Variants in GRID2 observed in about 807,000 individuals in gnomAD.
The protein encoded by GRID2 is glutamate receptor ionotropic, delta-2.
In GRID2, 33 loss-of-function variants were observed where a neutral mutation model predicts 114.8. That is an observed-to-expected ratio of 0.29 (90% CI 0.22 to 0.38). The LOEUF is 0.38. GRID2 is among the 10% of genes least tolerant of loss of function. GRID2 has a pLI of 1.00. For synonymous variants in GRID2, 505 were observed against 449.9 expected (o/e 1.12, Z -1.55); for missense variants, 1,184 against 1,257.7 (o/e 0.94, Z 0.89).
intron 3 of GRID2, among the ~76,000 whole-genome samples, chr4:93,110,325 TGATTCA>T (rs1399776288): frequency 6.6e-6 from 1 of 152,164 alleles, no homozygotes; most frequent in Non-Finnish European, 1.5e-5. Context: ...TTCATAATCT[TGATTCA>T]GATTCATCAG....
At chr4:92,916,414 G>A (rs1748797052) in intron 2 of GRID2, among the ~76,000 whole-genome samples, 1 of 151,998 alleles carries the variant, frequency 6.6e-6, no homozygotes, top group Non-Finnish European at 1.5e-5. Flanking sequence ...CAACTTAAAG[G>A]TTAGTTACAT....
intron 1 of GRID2, among the ~76,000 whole-genome samples, chr4:92,469,543 T>C (rs983153910): frequency 1.3e-5 from 2 of 152,138 alleles, no homozygotes; most frequent in African/African-American, 4.8e-5. Flanking sequence ...TTTTTATTGT[T>C]GTATTGTTAT....
intron 2 of GRID2, among the ~76,000 whole-genome samples, chr4:92,793,904 A>T (rs969068051): frequency 6.6e-6 from 1 of 151,884 alleles, no homozygotes; most frequent in Non-Finnish European, 1.5e-5. Flanking sequence ...CAAAGAATTT[A>T]AAGCTTTTAT....
intron 2 of GRID2, among the ~76,000 whole-genome samples, chr4:92,659,493 T>C (rs1732416217): frequency 6.6e-6 from 1 of 151,550 alleles, no homozygotes; most frequent in Non-Finnish European, 1.5e-5. Context: ...TCAAAGATAA[T>C]TTTATTTAAG....
intron 2 of GRID2, among the ~76,000 whole-genome samples, chr4:92,623,364 C>CA (rs58432717): frequency 0.038 from 5,032 of 132,008 alleles, 282 homozygotes; most frequent in African/African-American, 0.13. Flanking sequence ...TAAGTAAGTA[C>CA]AAAAAAAAAA....
Position 93,603,808 on chromosome 4 carries a change from C to T in GRID2, c.2194-22461C>T, listed in dbSNP as rs375373447. On this transcript the variant is annotated intron_variant, in intron 13 of 15. Transcript: ENST00000282020. Reference sequence around the variant, plus strand: ...CTCTGCCTGTGTTCTATAAATGCAACAACAAAGTCTGAATGGCACCACATC... The same window carrying T: ...CTCTGCCTGTGTTCTATAAATGCAATAACAAAGTCTGAATGGCACCACATC... Among the ~76,000 whole-genome samples, 33 of 152,210 alleles carry T rather than the reference C, an allele frequency of 2.2e-4. 1 individual carries two copies. The East Asian group carries it at 4.6e-3, about 21-fold the overall frequency.
intron 1 of GRID2, among the ~76,000 whole-genome samples, chr4:93,790,878 A>G (rs1369735902): frequency 6.6e-6 from 1 of 152,274 alleles, no homozygotes; most frequent in African/African-American, 2.4e-5. Context: ...TCTCCCACAA[A>G]ACAGAAGTAA....
At chr4:92,798,222 T>C (rs559086819) in intron 2 of GRID2, among the ~76,000 whole-genome samples, 1 of 152,140 alleles carries the variant, frequency 6.6e-6, no homozygotes, top group South Asian at 2.1e-4. Flanking sequence ...TGAAAATAAG[T>C]CATATTTTGT....
At chr4:92,455,561 G>C (rs1276198520) in intron 1 of GRID2, among the ~76,000 whole-genome samples, 1 of 152,106 alleles carries the variant, frequency 6.6e-6, no homozygotes, top group Non-Finnish European at 1.5e-5. Flanking sequence ...GAGGGAAACC[G>C]CACAGGAAGA....
chr4:92,690,010 G>T (rs982694437), intron 2 of GRID2, among the ~76,000 whole-genome samples: 30 of 152,122 alleles, frequency 2.0e-4, no homozygotes, highest in African/African-American at 7.2e-4. Context: ...CTCTACATCA[G>T]CCATAAGGCC....
At position 93,772,062 on chromosome 4, in the gene GRID2, T is replaced by G; in HGVS notation, c.2602-14T>G. ...TACTGATGAGAACCTTATTTTCTTT[T>G]TCTTCATCTCCAGGATGACAAGGAA... is the stretch of plus-strand genomic sequence containing the variant. On this transcript the variant is annotated splice_polypyrimidine_tract_variant and intron_variant, in intron 15 of 15. Coordinates refer to ENST00000282020, the MANE Select transcript of GRID2 (RefSeq NM_001510.4). 6.4e-7 allele frequency: 1 copy of G among 1,561,110 alleles called. No individual in the cohort carries two copies.
chr4:93,791,331 G>A (rs1452642131), intron 1 of GRID2, among the ~76,000 whole-genome samples: 1 of 152,140 alleles, frequency 6.6e-6, no homozygotes, highest in African/African-American at 2.4e-5. Context: ...TTATGTATTG[G>A]AATATGTTTT....
intron 1 of GRID2, among the ~76,000 whole-genome samples, chr4:93,793,255 A>G (rs963593279): frequency 1.1e-4 from 17 of 152,228 alleles, no homozygotes; most frequent in Non-Finnish European, 1.5e-5. Flanking sequence ...AAAGCTGTGT[A>G]AGAAAATGTC....
intron 2 of GRID2, among the ~76,000 whole-genome samples, chr4:92,709,288 A>G (rs1735102503): frequency 6.6e-6 from 1 of 152,130 alleles, no homozygotes; most frequent in South Asian, 2.1e-4. Flanking sequence ...TTAAATAAGT[A>G]GGTTGAAAAA....
chr4:93,688,054 T>A (rs1726227958), intron 14 of GRID2, among the ~76,000 whole-genome samples: 1 of 151,910 alleles, frequency 6.6e-6, no homozygotes, highest in South Asian at 2.1e-4. Flanking sequence ...CTGGGTTGGA[T>A]GGCAGGAAGA....
At position 92,909,546 on chromosome 4, in the gene GRID2, G is replaced by T. The variant is rs1748211399; in HGVS notation, c.245-175449G>T. Among the ~76,000 whole-genome samples the T allele has an allele frequency of 2.6e-5, 4 of 151,998 alleles. No individual in the cohort carries two copies. The South Asian group carries it at 6.2e-4, about 24-fold the overall frequency. On this transcript the variant is annotated intron_variant, in intron 2 of 15. Transcript: ENST00000282020. ...TTGCCTAACGCTGTCCTGATTCCAG[G>T]ATTGAAATTTCCACATTCTAGGAAA...
intron 2 of GRID2, among the ~76,000 whole-genome samples, chr4:92,722,137 G>A (rs867343064): frequency 2.8e-4 from 42 of 152,256 alleles, no homozygotes; most frequent in African/African-American, 7.7e-4. Flanking sequence ...AGTGTAGTCC[G>A]TGAGAGACAT....
intron 1 of GRID2, among the ~76,000 whole-genome samples, chr4:92,338,980 A>G (rs946516644): frequency 3.3e-5 from 5 of 152,108 alleles, no homozygotes; most frequent in African/African-American, 1.2e-4. Flanking sequence ...GATGAAAGGT[A>G]CAATATAAAT....
At chr4:93,809,063 CCTGT>C (rs1735085331) in exon 2 of GRID2, 1 of 152,146 alleles carries the variant, frequency 6.6e-6, no homozygotes, top group South Asian at 2.1e-4. Context: ...TTGTCGACTC[CCTGT>C]CTGTCTAACA....
Sources: gnomAD v4.1 joint callset for allele counts (sites outside exome capture counted in the v4.1 genomes callset) on GRCh38, gnomAD v4.1.1 for gene constraint, MANE v1.5 for transcripts, NCBI Gene and HGNC (gene_info 2026-07-23, HGNC 2026-07-21) for gene names.